CFAP221: variants seen among roughly 807,000 people sequenced by gnomAD.
The protein encoded by CFAP221 is cilia- and flagella-associated protein 221.
CFAP221 carries 97 observed loss-of-function variants against 113.1 expected under a neutral mutation model. The ratio of observed to expected loss-of-function variants is 0.86; its 90% CI spans 0.73 to 1.02. The LOEUF (loss-of-function observed/expected upper bound fraction) is 1.02, where lower values mean the gene tolerates loss of function less well. Among genes scored for constraint, CFAP221 ranks in the 50% least tolerant of loss-of-function variants. The pLI is 0.00. For missense variants in CFAP221, 1,025 were observed against 1,013.4 expected (o/e 1.01, Z -0.16); for synonymous variants, 331 against 354.4 (o/e 0.93, Z 0.74).
rs1686128611 is a variant in CFAP221, at chr2:119,624,156, C to T, written c.1411-1427C>T. ...GCTAATATCCAGAATATACAAGGAA[C>T]TCAAACAAATTTATAAGAACAAAAC... On this transcript the variant is annotated intron_variant, in intron 14 of 23. Coordinates refer to ENST00000413369, the MANE Select transcript of CFAP221 (RefSeq NM_001271049.2). Among the ~76,000 whole-genome samples, 3 of 152,248 alleles carry T rather than the reference C, an allele frequency of 2.0e-5. No homozygotes were observed. The South Asian group carries it at 6.2e-4, about 32-fold the overall frequency.
At chr2:119,599,203 T>A (rs576670815) in intron 7 of CFAP221, among the ~76,000 whole-genome samples, 1 of 152,260 alleles carries the variant, frequency 6.6e-6, no homozygotes, top group South Asian at 2.1e-4. Flanking sequence ...AGCACTGTGC[T>A]GGGGATCCAG....
chr2:119,651,912 C>A, intron 22 of CFAP221, 62 bp from the exon 23 acceptor site: 1 of 1,288,856 alleles, frequency 7.8e-7, no homozygotes, highest in Non-Finnish European at 1.1e-6. Flanking sequence ...CACAATATTT[C>A]ATTCCTATTT....
At chr2:119,630,485 A>C in intron 17 of CFAP221, 85 bp from the exon 18 acceptor site, 4 of 1,001,400 alleles carry the variant, frequency 4.0e-6, no homozygotes, top group Non-Finnish European at 6.1e-6. Flanking sequence ...TACCACCAGG[A>C]AGCTCGGAAA....
At chr2:119,640,043 A>T (rs1687388099) in intron 21 of CFAP221, among the ~76,000 whole-genome samples, 171 bp downstream of exon 21, 1 of 152,192 alleles carries the variant, frequency 6.6e-6, no homozygotes, top group African/African-American at 2.4e-5. Context: ...CATATTTGGA[A>T]TTTATCTTGA....
At chr2:119,629,440 G>A (rs956872124) in intron 16 of CFAP221, among the ~76,000 whole-genome samples, 6 of 152,288 alleles carry the variant, frequency 3.9e-5, no homozygotes, top group East Asian at 1.9e-4. Context: ...CATGTTTCCC[G>A]TGGCTTCAAC....
At chr2:119,548,677 AGT>A (rs1680212367) in intron 2 of CFAP221, among the ~76,000 whole-genome samples, 1 of 152,240 alleles carries the variant, frequency 6.6e-6, no homozygotes. Context: ...AATAAACTTA[AGT>A]GTGCGGTGTT....
intron 6 of CFAP221, chr2:119,573,604 G>C (rs1258192137): frequency 2.6e-5 from 4 of 152,386 alleles, no homozygotes; most frequent in Non-Finnish European, 4.4e-5. Context: ...GCTGAGGCAG[G>C]AGGATCACTT....
chr2:119,629,693 T>A lies in CFAP221; in HGVS notation c.1651-182T>A, dbSNP rs563398407. Among the ~76,000 whole-genome samples the A allele has an allele frequency of 3.0e-4, 45 of 152,164 alleles. No homozygotes were observed. In the South Asian group the frequency reaches 9.3e-3, roughly 32 times the overall value. On this transcript the variant is annotated intron_variant, in intron 16 of 23. Transcript: ENST00000413369. Reference sequence around the variant, plus strand: ...AGAGACTCACATCCACTAGGAGACATGGAGGAGGGGGTGATCAGGGCTGCC... The same window carrying A: ...AGAGACTCACATCCACTAGGAGACAAGGAGGAGGGGGTGATCAGGGCTGCC...
chr2:119,580,267 A>G (rs1682754958), intron 6 of CFAP221: 2 of 152,170 alleles, frequency 1.3e-5, no homozygotes, highest in African/African-American at 2.4e-5. Flanking sequence ...TTGGTAGACA[A>G]TCCTATGAAG....
Position 119,546,185 on chromosome 2 carries a change from T to C in CFAP221, c.54T>C (p.Phe18=). The change falls in exon 2 of 24, where the codon TTT becomes TTC. Residue 18 remains phenylalanine, a synonymous_variant. Coordinates refer to ENST00000413369, the MANE Select transcript of CFAP221 (RefSeq NM_001271049.2). ...GACTAAAGAATGCTAAAGAACCCTT[T>C]AATAATGCATCACCCCATCTCTTGA... The part of the protein sequence containing the change: ...SRGLKNAKEP[F]NNASPHLLKN... The C allele has an allele frequency of 2.0e-6, 3 of 1,535,910 alleles. No homozygotes were observed. Among genetic ancestry groups the C allele is most frequent in the Non-Finnish European group, 1.7e-6 (2 of 1,146,810 alleles).
At chr2:119,589,185 T>C (rs930603072) in intron 7 of CFAP221, among the ~76,000 whole-genome samples, 2 of 151,950 alleles carry the variant, frequency 1.3e-5, no homozygotes, top group Non-Finnish European at 2.9e-5. Flanking sequence ...AGGTCATCGT[T>C]GCTCCACCAG....
rs373267304 is a variant in CFAP221, at chr2:119,617,173, C to T, written c.1410+1464C>T. On this transcript the variant is annotated intron_variant, in intron 14 of 23. Coordinates refer to ENST00000413369, the MANE Select transcript of CFAP221 (RefSeq NM_001271049.2). ...GTTGTGTTACAGCTTGTCTTCCAGG[C>T]AGTCTTCTCAGCCTGGACTTGTGGC... Among the ~76,000 whole-genome samples the T allele has an allele frequency of 3.7e-4, 56 of 152,306 alleles. 1 individual carries two copies. The South Asian group carries it at 0.011, about 29-fold the overall frequency.
chr2:119,604,262 C>T (rs1345540805), intron 8 of CFAP221, among the ~76,000 whole-genome samples: 2 of 151,954 alleles, frequency 1.3e-5, no homozygotes, highest in Non-Finnish European at 2.9e-5. Context: ...GGTGAAACCC[C>T]GTCTCTACTA....
intron 6 of CFAP221, among the ~76,000 whole-genome samples, chr2:119,568,385 C>T (rs1198153610): frequency 1.3e-5 from 2 of 151,940 alleles, no homozygotes; most frequent in Non-Finnish European, 2.9e-5. Flanking sequence ...AGGTTTGTTA[C>T]ATAGGTAAAT....
intron 6 of CFAP221, chr2:119,572,547 A>G (rs761598944): frequency 2.3e-5 from 16 of 701,400 alleles, no homozygotes; most frequent in African/African-American, 2.1e-4. Flanking sequence ...AGTTTACCCA[A>G]CAGCGTCTTC....
chr2:119,609,541 C>T (rs1685008564), intron 12 of CFAP221, among the ~76,000 whole-genome samples: 1 of 152,154 alleles, frequency 6.6e-6, no homozygotes, highest in Non-Finnish European at 1.5e-5. Flanking sequence ...ATGTGGTCTT[C>T]CTCTGTGTCT....
intron 6 of CFAP221, among the ~76,000 whole-genome samples, chr2:119,576,985 G>A (rs1682495552): frequency 1.3e-5 from 2 of 152,176 alleles, no homozygotes; most frequent in African/African-American, 2.4e-5. Flanking sequence ...TGTGTATGCC[G>A]GTCCTTGAGA....
intron 19 of CFAP221, 126 bp downstream of exon 19, chr2:119,631,027 G>T: frequency 6.9e-7 from 1 of 1,453,724 alleles, no homozygotes; most frequent in Non-Finnish European, 9.1e-7. Flanking sequence ...AACAATATCT[G>T]ACCTTTAATA....
At chr2:119,593,932 T>C (rs1362645267) in intron 7 of CFAP221, among the ~76,000 whole-genome samples, 1 of 152,046 alleles carries the variant, frequency 6.6e-6, no homozygotes, top group Non-Finnish European at 1.5e-5. Flanking sequence ...TAAGAGATGG[T>C]GCTCAGCCAT....
Sources: gnomAD v4.1 joint callset for allele counts (sites outside exome capture counted in the v4.1 genomes callset) on GRCh38, gnomAD v4.1.1 for gene constraint, MANE v1.5 for transcripts, NCBI Gene and HGNC (gene_info 2026-07-23, HGNC 2026-07-21) for gene names.